The following TERF1 variants were observed in gnomAD, a reference collection of about 807,000 sequenced individuals.
TERF1 encodes the protein telomeric repeat binding factor 1, also known as telomeric repeat-binding factor 1.
In TERF1, 20 loss-of-function variants were observed where a neutral mutation model predicts 55.1. The ratio of observed to expected loss-of-function variants is 0.36; its 90% CI spans 0.26 to 0.53. The LOEUF (loss-of-function observed/expected upper bound fraction) is 0.53, where lower values mean the gene tolerates loss of function less well. Ranked by LOEUF, TERF1 falls within the 20% of genes least tolerant of loss-of-function variation. The pLI is 0.91. For missense variants in TERF1, 439 were observed against 535.7 expected (o/e 0.82, Z 1.78); for synonymous variants, 168 against 181.2 (o/e 0.93, Z 0.59).
intron 2 of TERF1, among the ~76,000 whole-genome samples, chr8:73,018,245 T>C (rs1272895586): frequency 6.6e-6 from 1 of 152,218 alleles, no homozygotes; most frequent in East Asian, 1.9e-4. Context: ...TGAATGAATA[T>C]ATTTTTATAT....
intron 6 of TERF1, among the ~76,000 whole-genome samples, chr8:73,027,899 G>T (rs1809086271): frequency 6.6e-6 from 1 of 152,122 alleles, no homozygotes; most frequent in Admixed American, 6.5e-5. Context: ...TAGGACTGAG[G>T]TTCTGTCATC....
chr8:73,037,742 T>G (rs1459750388), intron 8 of TERF1, among the ~76,000 whole-genome samples: 1 of 83,622 alleles, frequency 1.2e-5, no homozygotes, highest in East Asian at 2.6e-4. Context: ...GTATGAAATA[T>G]ATATTATATA....
chr8:73,022,629 C>A (rs2929579), intron 4 of TERF1, among the ~76,000 whole-genome samples: 102,720 of 151,770 alleles, frequency 0.68, 35,480 homozygotes, highest in Middle Eastern at 0.77. Flanking sequence ...AAAATAAATA[C>A]AATTTTCCAG....
At chr8:73,013,846 T>C in intron 1 of TERF1, 49 bp from the exon 2 acceptor site, 1 of 1,217,450 alleles carries the variant, frequency 8.2e-7, no homozygotes, top group South Asian at 1.3e-5. Flanking sequence ...ACAGTGGCAC[T>C]ACTGGATCAA....
In TERF1 at chr8:73,025,007, T is replaced by C. The variant is rs770263424; in HGVS notation, c.774+36T>C. The C allele has an allele frequency of 7.3e-5, 94 of 1,285,208 alleles. No homozygotes were observed. The East Asian group carries it at 1.8e-3, about 24-fold the overall frequency. 79.6% of individuals were successfully genotyped at this position (1,285,208 alleles called of 1,614,324 possible). A position where few individuals can be genotyped will look rare whatever the true frequency, so the allele number is the denominator to read the frequency against. ...TATTCAAGAGTGACTAATAATAGAC[T>C]TAAAGGAAACGTTATAATAAAGGAG... is the stretch of plus-strand genomic sequence containing the variant. On this transcript the variant is annotated intron_variant, in intron 5 of 9. Coordinates refer to ENST00000276603, the MANE Select transcript of TERF1 (RefSeq NM_017489.3).
rs1049136644 is a variant in TERF1 at position 73,017,993 on chromosome 8, GC to G, written c.416-2689del. Among the ~76,000 whole-genome samples the G allele has an allele frequency of 3.7e-4, 57 of 152,158 alleles. 1 individual carries two copies. Among genetic ancestry groups the G allele is most frequent in the Non-Finnish European group, 7.2e-4 (49 of 68,036 alleles). On this transcript the variant is annotated intron_variant, in intron 2 of 9. Transcript: ENST00000276603. Reference sequence around the variant, plus strand: ...CAAAGTGCTGGGATTACAGGCGTGAGCCACCGCGCCTGGCCATGCATCAATA... The same window carrying G: ...CAAAGTGCTGGGATTACAGGCGTGAGCACCGCGCCTGGCCATGCATCAATA...
At chr8:73,017,774 C>T (rs951910076) in intron 2 of TERF1, among the ~76,000 whole-genome samples, 20 of 151,094 alleles carry the variant, frequency 1.3e-4, no homozygotes, top group African/African-American at 4.6e-4. Flanking sequence ...GCCATCTTGG[C>T]TCACTGCAAC....
At chr8:73,036,544 A>G (rs1809518274) in intron 8 of TERF1, among the ~76,000 whole-genome samples, 1 of 152,000 alleles carries the variant, frequency 6.6e-6, no homozygotes, top group Admixed American at 6.6e-5. Flanking sequence ...ACATGTTTTT[A>G]TATATACAGT....
At chr8:73,025,473 C>T (rs1808942517) in intron 5 of TERF1, among the ~76,000 whole-genome samples, 1 of 151,760 alleles carries the variant, frequency 6.6e-6, no homozygotes, top group Admixed American at 6.6e-5. Context: ...ATTAGCTGGG[C>T]CGGGCGCGGT....
At position 73,032,038 on chromosome 8, in the gene TERF1, T is replaced by G. The variant is rs541616405; in HGVS notation, c.948-4T>G. The G allele has an allele frequency of 6.2e-7, 1 of 1,603,172 alleles. No individual in the cohort carries two copies. The highest frequency in any genetic ancestry group is 1.1e-5 in the South Asian group (1 of 89,532). ...CAATTACAAACTTTCCTGTTTTATT[T>G]TAGGTCTCACAAGAATCTTTTCTTA... On this transcript the variant is annotated splice_polypyrimidine_tract_variant and splice_region_variant and intron_variant, in intron 7 of 9. Transcript: ENST00000276603.
At chr8:73,020,026 G>T (rs1228506271) in intron 2 of TERF1, among the ~76,000 whole-genome samples, 4 of 152,096 alleles carry the variant, frequency 2.6e-5, no homozygotes, top group Non-Finnish European at 5.9e-5. Flanking sequence ...GCAGGATTTT[G>T]TCTTACTGAG....
intron 2 of TERF1, among the ~76,000 whole-genome samples, chr8:73,015,347 G>A (rs1413185654): frequency 6.8e-5 from 10 of 147,620 alleles, no homozygotes; most frequent in Non-Finnish European, 1.2e-4. Context: ...GCTCTATAGT[G>A]GCACTGCCTA....
In TERF1 at chr8:73,046,215, T is replaced by C. The variant is rs2129938069; in HGVS notation, c.*78T>C. 7.7e-7 allele frequency: 1 copy of C among 1,293,602 alleles called. No individual in the cohort carries two copies. Among genetic ancestry groups the C allele is most frequent in the Admixed American group, 2.8e-5 (1 of 35,946 alleles). 80.1% of individuals were successfully genotyped at this position (1,293,602 alleles called of 1,614,324 possible). Reference sequence around the variant, plus strand: ...TTTTGTTTGAAACTTGTGTCATTGATGTAATTTAAAACTTTTGTTTAAAGC... The same window carrying C: ...TTTTGTTTGAAACTTGTGTCATTGACGTAATTTAAAACTTTTGTTTAAAGC... On this transcript the variant is annotated 3_prime_UTR_variant, in exon 10 of 10. Coordinates refer to ENST00000276603, the MANE Select transcript of TERF1 (RefSeq NM_017489.3).
At chr8:73,032,630 T>C (rs537070837) in intron 8 of TERF1, among the ~76,000 whole-genome samples, 11 of 151,968 alleles carry the variant, frequency 7.2e-5, no homozygotes, top group African/African-American at 2.4e-4. Context: ...AATGTTCACA[T>C]AAGGACAAAA....
rs56018819 is a variant in TERF1 at position 73,014,197 on chromosome 8, T to A, written c.415+207T>A. Among the ~76,000 whole-genome samples the A allele has an allele frequency of 2.9e-3, 433 of 151,114 alleles. 2 individuals are homozygous for A. Among genetic ancestry groups the A allele is most frequent in the African/African-American group, 0.01 (418 of 41,002 alleles). On this transcript the variant is annotated intron_variant, in intron 2 of 9. Coordinates refer to ENST00000276603, the MANE Select transcript of TERF1 (RefSeq NM_017489.3). ...TGTAGTCCCTGTCATCTTAGAACAT[T>A]GGTTCTCAAACTTTAGCCTGCTCCA...
Position 73,013,879 on chromosome 8 carries a change from T to G in TERF1, c.320-16T>G. 1 of 1,569,246 alleles carries G rather than the reference T, an allele frequency of 6.4e-7. No individual in the cohort carries two copies. Among genetic ancestry groups the G allele is most frequent in the Non-Finnish European group, 8.7e-7 (1 of 1,149,770 alleles). ...CAAGTTTGATTTTAATAAAATTTAC[T>G]TTTTTTCTTTTTTAGCTATTATTCA... is the stretch of plus-strand genomic sequence containing the variant. On this transcript the variant is annotated splice_polypyrimidine_tract_variant and intron_variant, in intron 1 of 9. Coordinates refer to ENST00000276603, the MANE Select transcript of TERF1 (RefSeq NM_017489.3).
intron 2 of TERF1, among the ~76,000 whole-genome samples, chr8:73,018,466 A>C (rs1808617877): frequency 6.6e-6 from 1 of 152,144 alleles, no homozygotes; most frequent in Non-Finnish European, 1.5e-5. Flanking sequence ...ACCTGAGGTC[A>C]GGAGTTCGAG....
At chr8:73,024,199 A>G (rs1808884017) in intron 4 of TERF1, among the ~76,000 whole-genome samples, 1 of 152,250 alleles carries the variant, frequency 6.6e-6, no homozygotes, top group Non-Finnish European at 1.5e-5. Flanking sequence ...ATCCCTCAAT[A>G]GGCATGAAGA....
At chr8:73,024,513 T>C (rs1371576287) in intron 4 of TERF1, among the ~76,000 whole-genome samples, 3 of 152,180 alleles carry the variant, frequency 2.0e-5, no homozygotes, top group Non-Finnish European at 4.4e-5. Context: ...AATCAGATTA[T>C]GGTAGTAAAC....
Sources: gnomAD v4.1 joint callset for allele counts (sites outside exome capture counted in the v4.1 genomes callset) on GRCh38, gnomAD v4.1.1 for gene constraint, MANE v1.5 for transcripts, NCBI Gene and HGNC (gene_info 2026-07-23, HGNC 2026-07-21) for gene names.